The following TTC29 variants were observed in gnomAD, a reference collection of about 807,000 sequenced individuals.
TTC29 encodes the protein tetratricopeptide repeat protein 29.
Under a neutral mutation model 58.1 loss-of-function variants are expected in TTC29, and 49 were observed. That is an observed-to-expected ratio of 0.84 (90% CI 0.67 to 1.07). TTC29 has a LOEUF of 1.07. TTC29 is among the 50% of genes least tolerant of loss of function. The probability of loss-of-function intolerance (pLI) is 0.00; values close to 1 mark genes in which losing one functional copy is unlikely to be tolerated. For synonymous variants in TTC29, 209 were observed against 196.8 expected (o/e 1.06, Z -0.52); for missense variants, 582 against 555.6 (o/e 1.05, Z -0.48).
At chr4:146,878,967 C>T (rs937623283) in intron 6 of TTC29, among the ~76,000 whole-genome samples, 3 of 152,138 alleles carry the variant, frequency 2.0e-5, no homozygotes, top group African/African-American at 7.2e-5. Context: ...TTCATTTCCC[C>T]TTGCTTCACC....
intron 11 of TTC29, among the ~76,000 whole-genome samples, chr4:146,788,862 A>G (rs1358545462): frequency 6.6e-6 from 1 of 152,134 alleles, no homozygotes; most frequent in Admixed American, 6.6e-5. Context: ...AAAGCAGAGG[A>G]AAGTAGATTA....
At chr4:146,818,044 C>T (rs911551556) in intron 10 of TTC29, among the ~76,000 whole-genome samples, 1 of 152,152 alleles carries the variant, frequency 6.6e-6, no homozygotes, top group Non-Finnish European at 1.5e-5. Context: ...ATGTCTAAAA[C>T]ACCGAAAGCA....
At chr4:146,895,131 T>C (rs2150256048) in intron 6 of TTC29, among the ~76,000 whole-genome samples, 1 of 152,312 alleles carries the variant, frequency 6.6e-6, no homozygotes, top group African/African-American at 2.4e-5. Flanking sequence ...CAACTCTATC[T>C]ATGTCCCTGC....
At chr4:146,789,443 C>T (rs1056894013) in intron 11 of TTC29, among the ~76,000 whole-genome samples, 1 of 152,220 alleles carries the variant, frequency 6.6e-6, no homozygotes, top group African/African-American at 2.4e-5. Flanking sequence ...ACCTACCCCT[C>T]ATCATTTCGA....
intron 4 of TTC29, among the ~76,000 whole-genome samples, chr4:146,936,495 A>T (rs1735833596): frequency 6.6e-6 from 1 of 152,140 alleles, no homozygotes; most frequent in South Asian, 2.1e-4. Context: ...ATTTTATCTA[A>T]CAGTTTATCA....
At chr4:146,872,465 G>A (rs563676330) in intron 7 of TTC29, among the ~76,000 whole-genome samples, 5 of 151,872 alleles carry the variant, frequency 3.3e-5, no homozygotes, top group African/African-American at 1.2e-4. Context: ...CACAGAATAG[G>A]AGAAAATATT....
At chr4:146,874,348 TACAA>T (rs1285326428) in intron 7 of TTC29, among the ~76,000 whole-genome samples, 1 of 152,168 alleles carries the variant, frequency 6.6e-6, no homozygotes, top group East Asian at 1.9e-4. Context: ...ATGGGGAATT[TACAA>T]ACAATGAAAG....
At chr4:146,835,831 T>G (rs1334187368) in intron 8 of TTC29, among the ~76,000 whole-genome samples, 2 of 152,120 alleles carry the variant, frequency 1.3e-5, no homozygotes, top group Non-Finnish European at 2.9e-5. Context: ...AACCCATGGA[T>G]AGAAGGGTAG....
intron 6 of TTC29, among the ~76,000 whole-genome samples, chr4:146,884,546 G>C (rs1418372286): frequency 2.0e-5 from 3 of 152,076 alleles, no homozygotes; most frequent in Non-Finnish European, 4.4e-5. Flanking sequence ...TAATGTGTTT[G>C]CTCTTCCAGG....
chr4:146,811,619 A>G (rs1458481612), intron 10 of TTC29, among the ~76,000 whole-genome samples: 1 of 152,222 alleles, frequency 6.6e-6, no homozygotes, highest in Admixed American at 6.5e-5. Context: ...AGTTGTTGTC[A>G]GTTTCTAATA....
At chr4:146,894,403 C>T (rs566038973) in intron 6 of TTC29, among the ~76,000 whole-genome samples, 1 of 151,754 alleles carries the variant, frequency 6.6e-6, no homozygotes, top group East Asian at 1.9e-4. Context: ...AGCTGGAAAC[C>T]ATCATTCTCA....
chr4:146,873,648 C>T (rs887274430), intron 7 of TTC29, among the ~76,000 whole-genome samples: 5 of 152,178 alleles, frequency 3.3e-5, no homozygotes, highest in Non-Finnish European at 5.9e-5. Context: ...TAAGAGCTAA[C>T]TCTGTGTTTA....
intron 11 of TTC29, among the ~76,000 whole-genome samples, chr4:146,784,717 T>C (rs1042755493): frequency 6.6e-6 from 1 of 152,176 alleles, no homozygotes; most frequent in Non-Finnish European, 1.5e-5. Flanking sequence ...AATAAATTTC[T>C]GCTGTTTATA....
At chr4:146,728,669 T>A (rs542827733) in intron 11 of TTC29, among the ~76,000 whole-genome samples, 1 of 148,252 alleles carries the variant, frequency 6.7e-6, no homozygotes, top group African/African-American at 2.5e-5. Flanking sequence ...TCTATATATA[T>A]ACACATATAT....
chr4:146,937,826 G>C (rs1220638077), intron 3 of TTC29, 149 bp from the exon 4 acceptor site: 1 of 458,766 alleles, frequency 2.2e-6, no homozygotes, highest in East Asian at 3.7e-5. Context: ...GTCGTTGGTT[G>C]ATCATTTCAA....
intron 8 of TTC29, among the ~76,000 whole-genome samples, chr4:146,838,688 T>A (rs1728664743): frequency 6.6e-6 from 1 of 151,990 alleles, no homozygotes; most frequent in Non-Finnish European, 1.5e-5. Flanking sequence ...GTCTACTTAA[T>A]GCGAATTTTT....
chr4:146,784,839 C>T (rs554755861), intron 11 of TTC29, among the ~76,000 whole-genome samples: 30 of 152,202 alleles, frequency 2.0e-4, no homozygotes, highest in Admixed American at 1.6e-3. Context: ...GAGGATAAAC[C>T]AGAAATCTGA....
intron 6 of TTC29, among the ~76,000 whole-genome samples, chr4:146,896,378 T>C (rs1732770177): frequency 6.6e-6 from 1 of 152,174 alleles, no homozygotes; most frequent in Admixed American, 6.5e-5. Flanking sequence ...TTCTGGCATT[T>C]ATTGTTGCAA....
At chr4:146,722,992 C>T (rs188060620) in intron 11 of TTC29, among the ~76,000 whole-genome samples, 2 of 152,276 alleles carry the variant, frequency 1.3e-5, no homozygotes, top group African/African-American at 2.4e-5. Flanking sequence ...GCCACGGCAC[C>T]TGGCCTGAAT....
Sources: gnomAD v4.1 joint callset for allele counts (sites outside exome capture counted in the v4.1 genomes callset) on GRCh38, gnomAD v4.1.1 for gene constraint, MANE v1.5 for transcripts, NCBI Gene and HGNC (gene_info 2026-07-23, HGNC 2026-07-21) for gene names.